The following COG5 variants were observed in gnomAD, a reference collection of about 807,000 sequenced individuals.
COG5 encodes component of oligomeric golgi complex 5.
Under a neutral mutation model 110.4 loss-of-function variants are expected in COG5, and 86 were observed. The ratio of observed to expected loss-of-function variants is 0.78; its 90% confidence interval spans 0.65 to 0.93. COG5 has a LOEUF of 0.93. Among genes scored for constraint, COG5 ranks in the 40% least tolerant of loss-of-function variants. The pLI is 0.00. For missense variants in COG5, 1,077 were observed against 987.0 expected (o/e 1.09, Z -1.22); for synonymous variants, 360 against 334.6 (o/e 1.08, Z -0.83).
chr7:107,209,142 C>A, intron 21 of COG5: 13 of 985,516 alleles, frequency 1.3e-5, no homozygotes, highest in Non-Finnish European at 1.4e-5. Context: ...TCACCTGACA[C>A]AGGCTAACAA....
chr7:107,298,279 T>C lies in COG5; in HGVS notation c.1176A>G (p.Leu392=). Residue 392 remains leucine, a synonymous_variant, in exon 12 of 22, where the codon TTA becomes TTG. Coordinates refer to ENST00000297135, the MANE Select transcript of COG5 (RefSeq NM_006348.5). ...GACTGTATTGTTGAAGACGCTTCCA[T>C]AAGTCATTATAAAGACGTAATAATT... The part of the protein sequence containing the change: ...YPKLLRLYND[L]WKRLQQYSQH... 1 of 1,613,550 alleles carries C rather than the reference T, an allele frequency of 6.2e-7. No homozygotes were observed. Among genetic ancestry groups the C allele is most frequent in the East Asian group, 2.2e-5 (1 of 44,816 alleles).
chr7:107,301,666 T>A (rs1807279335), intron 11 of COG5, among the ~76,000 whole-genome samples: 1 of 152,054 alleles, frequency 6.6e-6, no homozygotes, highest in African/African-American at 2.4e-5. Flanking sequence ...GTCGGGAGTT[T>A]GAGACTAGCC....
intron 18 of COG5, among the ~76,000 whole-genome samples, chr7:107,235,977 A>T (rs1312217874): frequency 6.6e-6 from 1 of 152,208 alleles, no homozygotes; most frequent in African/African-American, 2.4e-5. Flanking sequence ...TAGAGAGAGA[A>T]CAAATAATCA....
At chr7:107,299,894 G>GAATTAAATATATATATATATATATATA (rs1562958290) in intron 11 of COG5, among the ~76,000 whole-genome samples, 1 of 86,150 alleles carries the variant, frequency 1.2e-5, no homozygotes, top group African/African-American at 3.3e-5. Context: ...ATATATATAT[G>GAATTAAATATATATATATATATATATA]GAATTACATA....
At chr7:107,268,046 G>A (rs891604286) in intron 14 of COG5, among the ~76,000 whole-genome samples, 3 of 152,080 alleles carry the variant, frequency 2.0e-5, no homozygotes, top group Admixed American at 6.6e-5. Flanking sequence ...TCGGCTCACC[G>A]CAACCTCTGC....
chr7:107,283,515 T>C, intron 13 of COG5, 56 bp downstream of exon 13: 3 of 1,431,342 alleles, frequency 2.1e-6, no homozygotes, highest in Non-Finnish European at 2.0e-6. Flanking sequence ...CTATCATATA[T>C]CACTAACAAA....
At chr7:107,357,976 C>A (rs1009570887) in intron 10 of COG5, among the ~76,000 whole-genome samples, 1 of 152,312 alleles carries the variant, frequency 6.6e-6, no homozygotes, top group South Asian at 2.1e-4. Flanking sequence ...GACTCATACG[C>A]ATTTAAAATC....
intron 6 of COG5, among the ~76,000 whole-genome samples, chr7:107,495,672 A>G (rs1268094670): frequency 6.6e-6 from 1 of 152,180 alleles, no homozygotes; most frequent in Non-Finnish European, 1.5e-5. Flanking sequence ...TTTCACCTGA[A>G]GTAATTCAAC....
chr7:107,308,629 G>A lies in COG5; in HGVS notation c.1109-10283C>T, dbSNP rs919176410. Among the ~76,000 whole-genome samples the A allele has an allele frequency of 2.0e-5, 3 of 152,042 alleles. No homozygotes were observed. The East Asian group carries it at 5.8e-4, about 29-fold the overall frequency. ...AGAAATTTATCTCATGAATTATTTG[G>A]TTTCTCTGAGGTATCATTTGTTTAG... On this transcript the variant is annotated intron_variant, in intron 11 of 21. Transcript: ENST00000297135.
chr7:107,563,673 G>T (rs1804191680), intron 1 of COG5, 130 bp downstream of exon 1: 2 of 1,005,152 alleles, frequency 2.0e-6, no homozygotes, highest in Non-Finnish European at 1.6e-6. Context: ...AGGGGGCCGG[G>T]CGGAGGGGAG....
intron 10 of COG5, among the ~76,000 whole-genome samples, chr7:107,348,505 T>C (rs1811840175): frequency 6.6e-6 from 1 of 152,192 alleles, no homozygotes. Flanking sequence ...CTAATTCTAC[T>C]TGAGCAGTTT....
intron 10 of COG5, among the ~76,000 whole-genome samples, chr7:107,330,805 A>T (rs1262521766): frequency 6.7e-6 from 1 of 148,326 alleles, no homozygotes; most frequent in Non-Finnish European, 1.5e-5. Flanking sequence ...AAGAATCAGG[A>T]TCTCTTGAGC....
intron 6 of COG5, among the ~76,000 whole-genome samples, chr7:107,495,036 C>A (rs1050763946): frequency 2.6e-5 from 4 of 152,052 alleles, no homozygotes; most frequent in African/African-American, 9.7e-5. Flanking sequence ...AAAAAGCAAT[C>A]GAAAGTCAGA....
chr7:107,248,359 A>T (rs779892853), intron 17 of COG5, 37 bp downstream of exon 17: 1 of 1,237,980 alleles, frequency 8.1e-7, no homozygotes, highest in Non-Finnish European at 1.2e-6. Context: ...AAATAAAGGC[A>T]GTAAAAGTTA....
chr7:107,203,632 T>C lies in COG5; in HGVS notation c.2376-2A>G, dbSNP rs1479750439. The C allele has an allele frequency of 5.0e-6, 8 of 1,595,426 alleles. No homozygotes were observed. Among genetic ancestry groups the C allele is most frequent in the Non-Finnish European group, 6.9e-6 (8 of 1,162,940 alleles). ...TGAACATAAGCTTCCAGGGCTCCCC[T>C]GAAAACCAAAATGAAAACAATGTCA... is the stretch of plus-strand genomic sequence containing the variant. On this transcript the variant is annotated splice_acceptor_variant, in intron 21 of 21. Coordinates refer to ENST00000297135, the MANE Select transcript of COG5 (RefSeq NM_006348.5). LOFTEE classifies it high-confidence loss of function.
At chr7:107,223,235 C>G (rs912313754) in intron 19 of COG5, among the ~76,000 whole-genome samples, 6 of 152,128 alleles carry the variant, frequency 3.9e-5, no homozygotes, top group African/African-American at 1.4e-4. Context: ...GCACAGGTGG[C>G]CATGCTCTCT....
At position 107,548,279 on chromosome 7, in the gene COG5, T is replaced by A; in HGVS notation, c.346A>T (p.Arg116Trp). ...RIGALQGAVD[R>W]IKAKIVEPYN... ...TATTTATAAAATTAAGAACAGTACC[T>A]ATCAACAGCTCCCTGTAAAGCCCCA... The change falls in exon 4 of 22, where the codon AGG becomes TGG. Residue 116 changes from arginine (R) to tryptophan (W), a missense_variant and splice_region_variant. By Grantham distance (101) the Arg-to-Trp change is moderately radical (BLOSUM62 -3). Coordinates refer to ENST00000297135, the MANE Select transcript of COG5 (RefSeq NM_006348.5). 1 of 1,611,730 alleles carries A rather than the reference T, an allele frequency of 6.2e-7. No homozygotes were observed. Among genetic ancestry groups the A allele is most frequent in the Non-Finnish European group, 8.5e-7 (1 of 1,177,848 alleles).
intron 8 of COG5, among the ~76,000 whole-genome samples, chr7:107,371,041 T>G (rs1446996602): frequency 6.6e-6 from 1 of 152,066 alleles, no homozygotes; most frequent in African/African-American, 2.4e-5. Context: ...GAGATTAAAC[T>G]GCTCCTGGAA....
At chr7:107,205,422 C>T (rs1418267319) in intron 21 of COG5, among the ~76,000 whole-genome samples, 1 of 152,192 alleles carries the variant, frequency 6.6e-6, no homozygotes, top group Non-Finnish European at 1.5e-5. Context: ...TCATTAGTTT[C>T]CATTTTTGTG....
Sources: allele counts gnomAD v4.1 joint callset (sites outside exome capture counted in the v4.1 genomes callset), GRCh38; gene constraint gnomAD v4.1.1; transcripts MANE v1.5; gene names NCBI Gene and HGNC (gene_info 2026-07-23, HGNC 2026-07-21).